BANK1: variants seen among roughly 807,000 people sequenced by gnomAD.
The protein encoded by BANK1 is B-cell scaffold protein with ankyrin repeats.
A neutral mutation model predicts 94.5 loss-of-function variants in BANK1; 95 were observed. The ratio of observed to expected loss-of-function variants is 1.00; its 90% CI spans 0.85 to 1.19. The LOEUF (loss-of-function observed/expected upper bound fraction) is 1.19, where lower values mean the gene tolerates loss of function less well. BANK1 is among the 50% of genes most tolerant of loss of function. The probability of loss-of-function intolerance (pLI) is 0.00; values close to 1 mark genes in which losing one functional copy is unlikely to be tolerated. For missense variants in BANK1, 987 were observed against 932.2 expected, an observed-to-expected ratio of 1.06 and a Z score of -0.77; for synonymous variants, 334 against 308.4, an observed-to-expected ratio of 1.08 and a Z score of -0.87.
At chr4:101,834,640 T>C (rs1468013998) in intron 2 of BANK1, among the ~76,000 whole-genome samples, 2 of 117,506 alleles carry the variant, frequency 1.7e-5, no homozygotes, top group African/African-American at 4.1e-5. Context: ...TTGAGATCAG[T>C]ACAAAAAAAA....
In BANK1 at chr4:102,052,655, A is replaced by G. The variant is rs79573693; in HGVS notation, c.1970-7556A>G. Among the ~76,000 whole-genome samples, 1,428 of 152,286 alleles carry G rather than the reference A, an allele frequency of 9.4e-3. 17 individuals carry two copies. Among genetic ancestry groups the G allele is most frequent in the South Asian group, 0.06 (287 of 4,822 alleles). On this transcript the variant is annotated intron_variant, in intron 11 of 16. Transcript: ENST00000322953. ...CTGAGCATTTTTCAGCTAACAATTCATAACTGCTTAAATATGAAGCTTTTT... is the reference window on the plus strand; with the variant it reads ...CTGAGCATTTTTCAGCTAACAATTCGTAACTGCTTAAATATGAAGCTTTTT...
intron 7 of BANK1, among the ~76,000 whole-genome samples, chr4:101,938,245 A>C (rs746507768): frequency 6.6e-6 from 1 of 151,666 alleles, no homozygotes; most frequent in Non-Finnish European, 1.5e-5. Context: ...AATAATAATA[A>C]TAAAACAATT....
At chr4:102,032,041 T>C (rs1727337183) in intron 10 of BANK1, among the ~76,000 whole-genome samples, 1 of 152,216 alleles carries the variant, frequency 6.6e-6, no homozygotes, top group Admixed American at 6.5e-5. Flanking sequence ...AGTCAGGGAA[T>C]GAACTTTTGC....
chr4:101,883,447 T>C (rs1560615574), intron 5 of BANK1, among the ~76,000 whole-genome samples: 1 of 152,252 alleles, frequency 6.6e-6, no homozygotes, highest in Non-Finnish European at 1.5e-5. Flanking sequence ...TGCCCCCATA[T>C]GTTATAACTT....
intron 1 of BANK1, among the ~76,000 whole-genome samples, chr4:101,819,980 G>GC (rs1161578431): frequency 1.3e-5 from 2 of 150,868 alleles, no homozygotes; most frequent in African/African-American, 5.0e-5. Context: ...GTGCCACAAA[G>GC]CCTAAAGTAT....
chr4:101,855,124 C>T lies in BANK1; in HGVS notation c.559C>T (p.Leu187=). Residue 187 remains leucine (L), a synonymous_variant, in exon 3 of 17, where the codon CTA becomes TTA. Coordinates refer to ENST00000322953, the MANE Select transcript of BANK1 (RefSeq NM_017935.5). The part of the protein sequence containing the change: ...EISERKEIEE[L]SEASRNTIPL... ...AAGTGAGAGAAAGGAAATTGAAGAA[C>T]TATCAGAAGCTTCAAGAAACACCAT... 2 of 1,613,438 alleles carry T rather than the reference C, an allele frequency of 1.2e-6. No homozygotes were observed. Among genetic ancestry groups the T allele is most frequent in the Non-Finnish European group, 1.7e-6 (2 of 1,179,416 alleles).
intron 7 of BANK1, among the ~76,000 whole-genome samples, chr4:101,981,414 A>C (rs1725321585): frequency 6.6e-6 from 1 of 152,078 alleles, no homozygotes; most frequent in Non-Finnish European, 1.5e-5. Context: ...GTGTTCTAGG[A>C]ATAAATTCCC....
intron 4 of BANK1, among the ~76,000 whole-genome samples, chr4:101,866,508 A>G (rs1728070502): frequency 6.6e-6 from 1 of 152,148 alleles, no homozygotes; most frequent in South Asian, 2.1e-4. Flanking sequence ...ATGAAGAAAG[A>G]TAAATATAAA....
At chr4:101,930,456 AG>A (rs1723301111) in intron 7 of BANK1, among the ~76,000 whole-genome samples, 3 of 151,646 alleles carry the variant, frequency 2.0e-5, no homozygotes, top group African/African-American at 7.2e-5. Flanking sequence ...GTGATAAACA[AG>A]GGAGGGAGTG....
chr4:101,986,899 GTATATATATATATATATATA>G (rs1166018412), intron 7 of BANK1, among the ~76,000 whole-genome samples: 2 of 82,668 alleles, frequency 2.4e-5, no homozygotes, highest in Non-Finnish European at 4.2e-5. Context: ...GTGTGTGTGT[GTATATATATATATATATATA>G]TATATATATA....
intron 2 of BANK1, among the ~76,000 whole-genome samples, chr4:101,839,106 C>T (rs919875003): frequency 1.3e-5 from 2 of 152,092 alleles, no homozygotes; most frequent in Non-Finnish European, 1.5e-5. Flanking sequence ...TATGATATCA[C>T]CAAATGAGAA....
intron 5 of BANK1, among the ~76,000 whole-genome samples, chr4:101,883,272 T>TA (rs1459186124): frequency 6.6e-6 from 1 of 152,216 alleles, no homozygotes; most frequent in African/African-American, 2.4e-5. Context: ...ATGCATTTAT[T>TA]AAAAAATAAT....
intron 3 of BANK1, among the ~76,000 whole-genome samples, chr4:101,858,023 A>C (rs1727742442): frequency 6.6e-6 from 1 of 152,146 alleles, no homozygotes; most frequent in Non-Finnish European, 1.5e-5. Context: ...AACGAACCTC[A>C]TCCAATTTTA....
At chr4:101,791,016 C>CG in intron 1 of BANK1, 66 bp downstream of exon 1, 1 of 1,310,278 alleles carries the variant, frequency 7.6e-7, no homozygotes. Flanking sequence ...GCGGAGACCA[C>CG]GGGCCATCGT....
At chr4:101,888,900 G>A (rs554625943) in intron 5 of BANK1, among the ~76,000 whole-genome samples, 7 of 152,188 alleles carry the variant, frequency 4.6e-5, no homozygotes, top group African/African-American at 1.7e-4. Flanking sequence ...GTCCTAAAAT[G>A]CTTTCAAATA....
chr4:102,024,161 C>T (rs1727003722), intron 8 of BANK1, among the ~76,000 whole-genome samples: 1 of 152,130 alleles, frequency 6.6e-6, no homozygotes, highest in Non-Finnish European at 1.5e-5. Context: ...CTACATTCTA[C>T]AGTGTAATTC....
At chr4:102,062,871 T>G in intron 12 of BANK1, 1 of 516,792 alleles carries the variant, frequency 1.9e-6, no homozygotes, top group Non-Finnish European at 3.5e-6. Context: ...CAACATGGAA[T>G]GACGACATTT....
chr4:101,876,393 A>T (rs997361405), intron 5 of BANK1, among the ~76,000 whole-genome samples: 1 of 152,212 alleles, frequency 6.6e-6, no homozygotes, highest in African/African-American at 2.4e-5. Context: ...AAGGGAAGAG[A>T]ATAAGAGTCT....
At chr4:101,909,517 T>C (rs1489773804) in intron 6 of BANK1, among the ~76,000 whole-genome samples, 25 of 152,178 alleles carry the variant, frequency 1.6e-4, no homozygotes, top group Non-Finnish European at 7.3e-5. Flanking sequence ...GTTGTGCACA[T>C]GTACCCTAGA....
Sources: gnomAD v4.1 joint callset for allele counts (sites outside exome capture counted in the v4.1 genomes callset) on GRCh38, gnomAD v4.1.1 for gene constraint, MANE v1.5 for transcripts, NCBI Gene and HGNC (gene_info 2026-07-23, HGNC 2026-07-21) for gene names.